The following MTDH variants were observed in gnomAD, a reference collection of about 807,000 sequenced individuals.
MTDH encodes the protein metadherin, also known as protein LYRIC.
Under a neutral mutation model 72.7 loss-of-function variants are expected in MTDH, and 34 were observed. That is an observed-to-expected ratio of 0.47 (90% CI 0.36 to 0.62). MTDH has a LOEUF of 0.62. Among genes scored for constraint, MTDH ranks in the 20% least tolerant of loss-of-function variants. MTDH has a pLI of 0.00. For missense variants in MTDH, 677 were observed against 699.4 expected, an observed-to-expected ratio of 0.97 and a Z score of 0.36; for synonymous variants, 266 against 268.9, an observed-to-expected ratio of 0.99 and a Z score of 0.10.
chr8:97,659,804 C>T (rs1405318467), intron 1 of MTDH, among the ~76,000 whole-genome samples: 2 of 152,140 alleles, frequency 1.3e-5, no homozygotes, highest in African/African-American at 4.8e-5. Context: ...AGTACAGATA[C>T]CTAGGCCCCA....
At chr8:97,677,638 G>A (rs1325454450) in intron 2 of MTDH, among the ~76,000 whole-genome samples, 1 of 152,122 alleles carries the variant, frequency 6.6e-6, no homozygotes, top group African/African-American at 2.4e-5. Context: ...AAATCATCAA[G>A]AAGGGGTTTT....
chr8:97,674,602 G>A (rs1812767464), intron 2 of MTDH, among the ~76,000 whole-genome samples: 1 of 152,136 alleles, frequency 6.6e-6, no homozygotes, highest in Non-Finnish European at 1.5e-5. Context: ...CAGAAAGTGG[G>A]TGAAATTGAC....
chr8:97,644,284 G>C lies in MTDH; in HGVS notation c.-223G>C, dbSNP rs1028825636. 1.4e-5 allele frequency: 8 copies of C among 564,604 alleles called. No homozygotes were observed. Among genetic ancestry groups the C allele is most frequent in the Middle Eastern group, 4.6e-4 (1 of 2,192 alleles). The allele number at this position is 564,604 out of a possible 1,614,324, so 35.0% of individuals were successfully genotyped here. ...TGGAGACACTCCCTCCCGCCTCCCG[G>C]GTCTCCTGGCGGCGGCGGAGTGAGG... On this transcript the variant is annotated 5_prime_UTR_variant, in exon 1 of 12. Coordinates refer to ENST00000336273, the MANE Select transcript of MTDH (RefSeq NM_178812.4).
intron 1 of MTDH, among the ~76,000 whole-genome samples, chr8:97,648,374 T>C (rs796396757): frequency 1.3e-5 from 2 of 152,346 alleles, no homozygotes; most frequent in African/African-American, 4.8e-5. Flanking sequence ...TTTTTTCACT[T>C]GATTTTTAAT....
intron 1 of MTDH, among the ~76,000 whole-genome samples, chr8:97,658,178 A>C (rs543862883): frequency 1.3e-5 from 2 of 152,240 alleles, no homozygotes; most frequent in Admixed American, 6.5e-5. Context: ...GATGAAAGCT[A>C]TATAAATTCT....
intron 6 of MTDH, among the ~76,000 whole-genome samples, chr8:97,698,779 C>T (rs946868538): frequency 6.6e-6 from 1 of 152,188 alleles, no homozygotes; most frequent in African/African-American, 2.4e-5. Context: ...CTAAAATGAT[C>T]AATGGCAGAG....
chr8:97,685,237 A>G (rs1813312773), intron 2 of MTDH, among the ~76,000 whole-genome samples: 1 of 152,122 alleles, frequency 6.6e-6, no homozygotes, highest in African/African-American at 2.4e-5. Context: ...AAAGCAGTAT[A>G]TTAATTATAC....
chr8:97,675,082 T>G (rs1171568510), intron 2 of MTDH, among the ~76,000 whole-genome samples: 1 of 152,134 alleles, frequency 6.6e-6, no homozygotes, highest in Non-Finnish European at 1.5e-5. Context: ...ATTGTTGAGA[T>G]TACAGATGTG....
At chr8:97,708,541 C>T (rs1814468541) in intron 8 of MTDH, among the ~76,000 whole-genome samples, 1 of 126,154 alleles carries the variant, frequency 7.9e-6, no homozygotes. Flanking sequence ...CTCGGCCTCC[C>T]AAAGTGCTGG....
intron 10 of MTDH, among the ~76,000 whole-genome samples, chr8:97,719,654 A>G (rs1815029215): frequency 6.6e-6 from 1 of 152,194 alleles, no homozygotes; most frequent in South Asian, 2.1e-4. Context: ...AAATGAAGCT[A>G]GAGAAGTTGA....
In MTDH at chr8:97,729,754, A is replaced by G; in HGVS notation, c.*5084A>G. Among the ~76,000 whole-genome samples, 1 of 152,060 alleles carries G rather than the reference A, an allele frequency of 6.6e-6. No homozygotes were observed. The highest frequency in any genetic ancestry group is 1.9e-4 in the East Asian group (1 of 5,194). ...CAATCCTCCTGACTCAGCCTCCTAA[A>G]TGCTGGGATTACAGGCATGAACCAC... On this transcript the variant is annotated 3_prime_UTR_variant, in exon 12 of 12. Transcript: ENST00000336273.
At chr8:97,662,642 C>T (rs1488695015) in intron 2 of MTDH, among the ~76,000 whole-genome samples, 4 of 151,476 alleles carry the variant, frequency 2.6e-5, no homozygotes, top group Non-Finnish European at 4.4e-5. Flanking sequence ...AAAAATTAGC[C>T]GGATATGGTG....
At chr8:97,651,425 AC>A (rs1342652628) in intron 1 of MTDH, among the ~76,000 whole-genome samples, 12 of 152,200 alleles carry the variant, frequency 7.9e-5, no homozygotes, top group Non-Finnish European at 1.5e-5. Flanking sequence ...AAAATCACTA[AC>A]AAAAAGCACC....
intron 10 of MTDH, among the ~76,000 whole-genome samples, chr8:97,720,981 T>G (rs1256670142): frequency 6.6e-6 from 1 of 151,904 alleles, no homozygotes; most frequent in South Asian, 2.1e-4. Flanking sequence ...TATTAAATCA[T>G]TTTCAGAAGC....
chr8:97,695,748 C>T (rs1813811475), intron 6 of MTDH, among the ~76,000 whole-genome samples: 2 of 152,090 alleles, frequency 1.3e-5, no homozygotes, highest in Admixed American at 1.3e-4. Flanking sequence ...TACATGATAG[C>T]TTTTATGGAC....
intron 8 of MTDH, among the ~76,000 whole-genome samples, chr8:97,710,126 A>G (rs1814560546): frequency 6.6e-6 from 1 of 152,182 alleles, no homozygotes; most frequent in African/African-American, 2.4e-5. Flanking sequence ...CTTGTAGCCA[A>G]CCAGCCTAGA....
In MTDH at chr8:97,687,418, G is replaced by T; in HGVS notation, c.569-11G>T. Reference sequence around the variant, plus strand: ...TTACTGAATAACATTTTTTTTCTGGGGCTATGTCAGGAGCCTGGGAAACTA... The same window carrying T: ...TTACTGAATAACATTTTTTTTCTGGTGCTATGTCAGGAGCCTGGGAAACTA... On this transcript the variant is annotated splice_polypyrimidine_tract_variant and intron_variant, in intron 3 of 11. Coordinates refer to ENST00000336273, the MANE Select transcript of MTDH (RefSeq NM_178812.4). 6 of 1,564,744 alleles carry T rather than the reference G, an allele frequency of 3.8e-6. No individual in the cohort carries two copies. The highest frequency in any genetic ancestry group is 1.9e-5 in the Admixed American group (1 of 52,232).
chr8:97,654,151 A>G (rs1411378697), intron 1 of MTDH, among the ~76,000 whole-genome samples: 1 of 152,206 alleles, frequency 6.6e-6, no homozygotes, highest in African/African-American at 2.4e-5. Context: ...ACTAAAGGAA[A>G]TATCTCAGTA....
At chr8:97,713,528 C>T (rs1350838361) in intron 8 of MTDH, 134 bp from the exon 9 acceptor site, 2 of 533,756 alleles carry the variant, frequency 3.7e-6, no homozygotes, top group African/African-American at 3.8e-5. Context: ...CATTGTATTA[C>T]TTATTACTAG....
Sources: allele counts gnomAD v4.1 joint callset (sites outside exome capture counted in the v4.1 genomes callset), GRCh38; gene constraint gnomAD v4.1.1; transcripts MANE v1.5; gene names NCBI Gene and HGNC (gene_info 2026-07-23, HGNC 2026-07-21).